Variants in PITPNM2 observed in about 807,000 individuals in gnomAD.
The protein encoded by PITPNM2 is phosphatidylinositol transfer protein membrane associated 2.
PITPNM2 carries 35 observed loss-of-function variants against 132.2 expected under a neutral mutation model. The observed-to-expected ratio is 0.26, with a 90% CI of 0.20 to 0.35. The LOEUF (loss-of-function observed/expected upper bound fraction) is 0.35, where lower values mean the gene tolerates loss of function less well. Ranked by LOEUF, PITPNM2 falls within the 10% of genes least tolerant of loss-of-function variation. The pLI, the probability that PITPNM2 is intolerant of heterozygous loss-of-function variation, is 1.00. For missense variants in PITPNM2, 1,332 were observed against 1,912.0 expected, an observed-to-expected ratio of 0.70 and a Z score of 5.66; for synonymous variants, 738 against 799.2, an observed-to-expected ratio of 0.92 and a Z score of 1.29.
chr12:123,129,042 G>T (rs1005635774), intron 1 of PITPNM2, among the ~76,000 whole-genome samples: 1 of 151,990 alleles, frequency 6.6e-6, no homozygotes, highest in African/African-American at 2.4e-5. Context: ...GGCTGAGGCA[G>T]AAGAATTGCT....
At chr12:123,016,186 C>G (rs190990922) in intron 3 of PITPNM2, among the ~76,000 whole-genome samples, 4 of 151,960 alleles carry the variant, frequency 2.6e-5, no homozygotes, top group Non-Finnish European at 5.9e-5. Context: ...AGTAGCTGGG[C>G]GTGGTGGCAC....
intron 1 of PITPNM2, among the ~76,000 whole-genome samples, chr12:123,119,916 A>C (rs2043002345): frequency 6.6e-6 from 1 of 151,882 alleles, no homozygotes; most frequent in Non-Finnish European, 1.5e-5. Flanking sequence ...TCTTAATGGG[A>C]AGCATACGCT....
chr12:123,096,375 C>G (rs2137169989), intron 2 of PITPNM2, among the ~76,000 whole-genome samples: 1 of 152,336 alleles, frequency 6.6e-6, no homozygotes, highest in South Asian at 2.1e-4. Flanking sequence ...TGCACAGCAA[C>G]CATATTTTAT....
At chr12:123,122,700 A>C (rs994146549) in intron 1 of PITPNM2, among the ~76,000 whole-genome samples, 1 of 152,168 alleles carries the variant, frequency 6.6e-6, no homozygotes, top group African/African-American at 2.4e-5. Flanking sequence ...CAACCTGACT[A>C]CAGGAATCCA....
At chr12:123,119,443 C>T (rs1012275467) in intron 1 of PITPNM2, among the ~76,000 whole-genome samples, 3 of 151,038 alleles carry the variant, frequency 2.0e-5, no homozygotes, top group East Asian at 1.9e-4. Context: ...CTGCAAGCTC[C>T]GCCTCCCAGC....
chr12:123,006,916 G>A (rs2038957117), intron 6 of PITPNM2, among the ~76,000 whole-genome samples: 2 of 151,966 alleles, frequency 1.3e-5, no homozygotes, highest in South Asian at 2.1e-4. Flanking sequence ...CTTACAATGA[G>A]TGAATCATAT....
chr12:123,125,321 G>T (rs1276338145), intron 1 of PITPNM2, among the ~76,000 whole-genome samples: 2 of 152,076 alleles, frequency 1.3e-5, no homozygotes, highest in African/African-American at 4.8e-5. Flanking sequence ...TGTGAGTCTT[G>T]AATTGTTAGA....
At chr12:123,034,280 A>G in intron 3 of PITPNM2, 1 of 515,756 alleles carries the variant, frequency 1.9e-6, no homozygotes, top group South Asian at 3.3e-5. Flanking sequence ...TTCGCGTTGT[A>G]GGCGGCGGGA....
Position 123,106,410 on chromosome 12 carries a change from T to C in PITPNM2, c.-96+3975A>G, listed in dbSNP as rs7953918. On this transcript the variant is annotated intron_variant, in intron 2 of 25. Transcript: ENST00000320201. The surrounding 1 kb of genome is among the most constrained non-coding windows in gnomAD (Gnocchi z 4.4). ...CTCTAAAATAAGTAAATAATTCCTT[T>C]AAAAAAAAAAACAGGAAGAAAAGAA... Among the ~76,000 whole-genome samples, 19,419 of 144,906 alleles carry C rather than the reference T, an allele frequency of 0.13. 4,081 individuals are homozygous for C. Among genetic ancestry groups the C allele is most frequent in the African/African-American group, 0.45 (18,184 of 40,010 alleles).
intron 4 of PITPNM2, 115 bp from the exon 5 acceptor site, chr12:123,012,849 G>T: frequency 7.1e-7 from 1 of 1,403,118 alleles, no homozygotes; most frequent in Non-Finnish European, 9.7e-7. Context: ...CATGGAAGGA[G>T]GGTGGAGGGT....
chr12:123,132,065 C>T (rs2043276381), intron 1 of PITPNM2, among the ~76,000 whole-genome samples: 1 of 152,276 alleles, frequency 6.6e-6, no homozygotes, highest in Admixed American at 6.5e-5. Flanking sequence ...AGGACTGAAG[C>T]ACCTGCCTCT....
rs1409917100 is a variant in PITPNM2 at position 123,151,040 on chromosome 12, A to G, written c.-487T>C. 6.9e-6 allele frequency among the ~76,000 whole-genome samples: 1 copy of G among 144,710 alleles called. No homozygotes were observed. Among genetic ancestry groups the G allele is most frequent in the East Asian group, 2.0e-4 (1 of 4,992 alleles). 94.9% of individuals were successfully genotyped at this position (144,710 alleles called of 152,430 possible). ...GGCGGGCGGCCGGGGCCGGCTGGACAGCTCTACGCCGCGGCGCCGCGGTGC... is the reference window on the plus strand; with the variant it reads ...GGCGGGCGGCCGGGGCCGGCTGGACGGCTCTACGCCGCGGCGCCGCGGTGC... On this transcript the variant is annotated 5_prime_UTR_variant, in exon 1 of 26. Transcript: ENST00000320201.
chr12:123,151,195 A>AGTCTCGGCCCGGCCCCGCCGC, upstream of PITPNM2, among the ~76,000 whole-genome samples: 1 of 140,060 alleles, frequency 7.1e-6, no homozygotes, highest in East Asian at 2.5e-4. Context: ...GTCCCTGCGG[A>AGTCTCGGCCCGGCCCCGCCGC]GTCTCGGCCC....
At chr12:123,061,371 C>T (rs1183689986) in intron 2 of PITPNM2, among the ~76,000 whole-genome samples, 2 of 152,242 alleles carry the variant, frequency 1.3e-5, no homozygotes, top group African/African-American at 4.8e-5. Context: ...ACCCTAAGCC[C>T]ACTCTGCAGA....
At chr12:123,021,986 G>A (rs746063072) in intron 3 of PITPNM2, among the ~76,000 whole-genome samples, 35 of 152,298 alleles carry the variant, frequency 2.3e-4, no homozygotes, top group Middle Eastern at 3.4e-3. Flanking sequence ...AGGATGCCAC[G>A]CCCTGGCTTT....
rs763223938 is a variant in PITPNM2 at position 123,000,823 on chromosome 12, A to G, written c.1179T>C (p.Pro393=). Residue 393 remains proline, a synonymous_variant, in exon 10 of 26, where the codon CCT becomes CCC. Coordinates refer to ENST00000320201, the MANE Select transcript of PITPNM2 (RefSeq NM_020845.3). This position sits in a 1 kb window ranked among gnomAD's most constrained non-coding sequence, Gnocchi z 5.4. ...TQDGLYRQGA[P]EFRVASSVEQ... is the part of the protein sequence containing the mutation. ...CCACACTGGAGGCCACCCTGAACTCAGGGGCACCCTGGCGGTACAGACCAT... is the reference window on the plus strand; with the variant it reads ...CCACACTGGAGGCCACCCTGAACTCGGGGGCACCCTGGCGGTACAGACCAT... 1 of 1,614,106 alleles carries G rather than the reference A, an allele frequency of 6.2e-7. No individual in the cohort carries two copies. Among genetic ancestry groups the G allele is most frequent in the Non-Finnish European group, 8.5e-7 (1 of 1,180,042 alleles).
intron 2 of PITPNM2, among the ~76,000 whole-genome samples, chr12:123,066,492 G>A (rs1013415827): frequency 2.0e-4 from 30 of 152,108 alleles, no homozygotes; most frequent in African/African-American, 6.8e-4. Flanking sequence ...GAGTGAGTCC[G>A]TGACCTCACC....
intron 2 of PITPNM2, among the ~76,000 whole-genome samples, chr12:123,054,354 G>C (rs2040953906): frequency 6.6e-6 from 1 of 152,208 alleles, no homozygotes; most frequent in African/African-American, 2.4e-5. Context: ...TTGTTTGCCT[G>C]CATGGATATG....
chr12:123,015,541 C>T (rs1427618044), intron 3 of PITPNM2, among the ~76,000 whole-genome samples: 3 of 151,900 alleles, frequency 2.0e-5, no homozygotes, highest in South Asian at 2.1e-4. Context: ...TACAAAAACT[C>T]GAAATGAATC....
Sources: allele counts gnomAD v4.1 joint callset (sites outside exome capture counted in the v4.1 genomes callset), GRCh38; gene constraint gnomAD v4.1.1; non-coding constraint Gnocchi (gnomAD v3.1); transcripts MANE v1.5; gene names NCBI Gene and HGNC (gene_info 2026-07-23, HGNC 2026-07-21).